The following TSBP1 variants were observed in gnomAD, a reference collection of about 807,000 sequenced individuals.
The protein encoded by TSBP1 is testis-expressed basic protein 1.
Under a neutral mutation model 68.8 loss-of-function variants are expected in TSBP1, and 56 were observed. The observed-to-expected ratio is 0.81, with a 90% CI of 0.66 to 1.02. The LOEUF is 1.02. Among genes scored for constraint, TSBP1 ranks in the 50% least tolerant of loss-of-function variants. The pLI is 0.00. For missense variants in TSBP1, 502 were observed against 641.2 expected (o/e 0.78, Z 2.34); for synonymous variants, 171 against 208.7 (o/e 0.82, Z 1.56).
At chr6:32,324,433 C>T in intron 16 of TSBP1, 1 of 707,560 alleles carries the variant, frequency 1.4e-6, no homozygotes. Flanking sequence ...TCCCTTTTTG[C>T]AGTGACTGGT....
intron 10 of TSBP1, 134 bp downstream of exon 11, chr6:32,339,466 G>A (rs1476974390): frequency 2.7e-6 from 2 of 740,790 alleles, no homozygotes; most frequent in Non-Finnish European, 5.1e-6. Context: ...TCCTCTGGTA[G>A]CAGGCACATT....
At chr6:32,296,303 C>A (rs1764719108) in intron 22 of TSBP1, among the ~76,000 whole-genome samples, 3 of 152,082 alleles carry the variant, frequency 2.0e-5, no homozygotes. Context: ...AATTATAAAT[C>A]AAAAGAGTTG....
Position 32,344,090 on chromosome 6 carries a change from AATTT to A in TSBP1, c.350-4456_350-4453del, listed in dbSNP as rs1434806109. Among the ~76,000 whole-genome samples the A allele has an allele frequency of 8.6e-5, 13 of 151,470 alleles. 1 individual carries two copies. Among genetic ancestry groups the A allele is most frequent in the African/African-American group, 2.7e-4 (11 of 41,232 alleles). Reference sequence around the variant, plus strand: ...TTTTGGAACTGCATTTATTTAATTTAATTTATTTATTTATTTTATTTTATTATTA... The same window carrying A: ...TTTTGGAACTGCATTTATTTAATTTAATTTATTTATTTTATTTTATTATTA... On this transcript the variant is annotated intron_variant, in intron 9 of 22. Transcript: ENST00000612031.
intron 9 of TSBP1, among the ~76,000 whole-genome samples, chr6:32,344,580 T>C (rs1770760969): frequency 6.6e-6 from 1 of 152,202 alleles, no homozygotes; most frequent in South Asian, 2.1e-4. Flanking sequence ...TGCACGCCAA[T>C]TGCTTAAAAG....
chr6:32,319,406 TC>T (rs1767353295), intron 18 of TSBP1, among the ~76,000 whole-genome samples: 1 of 152,224 alleles, frequency 6.6e-6, no homozygotes, highest in Non-Finnish European at 1.5e-5. Context: ...CCCCAGTTAA[TC>T]CTCCACAATA....
Position 32,338,033 on chromosome 6 carries a change from G to A in TSBP1, c.409+946C>T, listed in dbSNP as rs1200191061. Among the ~76,000 whole-genome samples the A allele has an allele frequency of 6.6e-6, 1 of 152,182 alleles. No homozygotes were observed. Among genetic ancestry groups the A allele is most frequent in the Non-Finnish European group, 1.5e-5 (1 of 68,022 alleles). On this transcript the variant is annotated intron_variant, in intron 11 of 22. Transcript: ENST00000612031. The surrounding 1 kb of genome is among the most constrained non-coding windows in gnomAD (Gnocchi z 5.5). The stretch of plus-strand genomic sequence containing the variant: ...GATAGAAATGTGTTAAGAAGTGAAT[G>A]AAACCCTGATGAGTTTCATCTTTCT...
intron 6 of TSBP1, among the ~76,000 whole-genome samples, chr6:32,364,511 CT>C (rs1773443015): frequency 6.7e-6 from 1 of 149,718 alleles, no homozygotes; most frequent in African/African-American, 2.4e-5. Context: ...ATCTTGGAAG[CT>C]CTCTATTTCC....
Position 32,332,073 on chromosome 6 carries a change from T to G in TSBP1, c.473-19A>C. 1 of 1,582,984 alleles carries G rather than the reference T, an allele frequency of 6.3e-7. No homozygotes were observed. The highest frequency in any genetic ancestry group is 8.7e-7 in the Non-Finnish European group (1 of 1,152,666). ...GTTTGCACTAAAAAGAAATTCAAAT[T>G]GGCATATTAGTACAGTTATTTGGAG... On this transcript the variant is annotated intron_variant, in intron 14 of 22. Transcript: ENST00000612031.
chr6:32,312,680 T>G (rs1766525248), intron 19 of TSBP1, among the ~76,000 whole-genome samples: 1 of 152,204 alleles, frequency 6.6e-6, no homozygotes, highest in African/African-American at 2.4e-5. Flanking sequence ...ATAAATAGTT[T>G]CATTCGTCAA....
chr6:32,327,798 GT>G (rs377295118), intron 16 of TSBP1, among the ~76,000 whole-genome samples: 17 of 142,494 alleles, frequency 1.2e-4, no homozygotes, highest in African/African-American at 1.6e-4. Context: ...ATTTTTGTAG[GT>G]TTTTTTTTTT....
chr6:32,327,388 C>G (rs1768340636), intron 16 of TSBP1, among the ~76,000 whole-genome samples: 1 of 152,156 alleles, frequency 6.6e-6, no homozygotes, highest in Non-Finnish European at 1.5e-5. Flanking sequence ...CCTTGATAGG[C>G]TTAAAGAGGG....
rs576738920 is a variant in TSBP1 at position 32,340,766 on chromosome 6, A to C, written c.350-1128T>G. Reference sequence around the variant, plus strand: ...CATATATATTCCATTCCTGACCTAAAGTAATATGGAATAATGAGGAGAAAG... The same window carrying C: ...CATATATATTCCATTCCTGACCTAACGTAATATGGAATAATGAGGAGAAAG... On this transcript the variant is annotated intron_variant, in intron 9 of 22. Coordinates refer to ENST00000612031, the Ensembl canonical transcript of TSBP1. The surrounding 1 kb of genome is among the most constrained non-coding windows in gnomAD (Gnocchi z 4.8). 6.6e-6 allele frequency among the ~76,000 whole-genome samples: 1 copy of C among 152,106 alleles called. No homozygotes were observed. Among genetic ancestry groups the C allele is most frequent in the Non-Finnish European group, 1.5e-5 (1 of 67,990 alleles).
intron 17 of TSBP1, 72 bp from the exon 19 acceptor site, chr6:32,323,209 G>T: frequency 2.1e-6 from 2 of 971,560 alleles, no homozygotes; most frequent in Non-Finnish European, 1.6e-6. Flanking sequence ...AGGTATATTT[G>T]TGTAGGGGAG....
In TSBP1 at chr6:32,365,404, A is replaced by T; in HGVS notation, c.217+763T>A. ...GGACTCAGCCTAGATGGGAGAGTGA[A>T]ATGTGTGAAAGGCATGCCTGTGGGT... On this transcript the variant is annotated intron_variant, in intron 6 of 22. Transcript: ENST00000612031. The surrounding 1 kb of genome is among the most constrained non-coding windows in gnomAD (Gnocchi z 4.3). 1 of 457,164 alleles carries T rather than the reference A, an allele frequency of 2.2e-6. No homozygotes were observed. Among genetic ancestry groups the T allele is most frequent in the South Asian group, 1.5e-5 (1 of 64,550 alleles). 28.3% of individuals were successfully genotyped at this position (457,164 alleles called of 1,614,324 possible).
rs1770179063 is a variant in TSBP1, at chr6:32,340,223, G to T, written c.350-585C>A. ...TGTCATTTTAATCTCTGTTGCTTCT[G>T]TCTTGAGAAATAACCAATCATATTT... On this transcript the variant is annotated intron_variant, in intron 9 of 22. Coordinates refer to ENST00000612031, the Ensembl canonical transcript of TSBP1. The surrounding 1 kb of genome is among the most constrained non-coding windows in gnomAD (Gnocchi z 4.8). 6.6e-6 allele frequency among the ~76,000 whole-genome samples: 1 copy of T among 152,058 alleles called. No individual in the cohort carries two copies. Among genetic ancestry groups the T allele is most frequent in the Non-Finnish European group, 1.5e-5 (1 of 67,998 alleles).
At chr6:32,307,976 T>C (rs552569548) in intron 19 of TSBP1, among the ~76,000 whole-genome samples, 16 of 152,096 alleles carry the variant, frequency 1.1e-4, no homozygotes, top group African/African-American at 3.6e-4. Context: ...GGTTTCACCA[T>C]GTTGGCCAGG....
In TSBP1 at chr6:32,316,016, T is replaced by G. The variant is rs1766909666; in HGVS notation, c.560-224A>C. ...GATGAAATCAAAGGTAGGGTTTCCT[T>G]AAAGGCCCTCTTCATTTACTGGACC... On this transcript the variant is annotated intron_variant, in intron 18 of 22. Transcript: ENST00000612031. This position sits in a 1 kb window ranked among gnomAD's most constrained non-coding sequence, Gnocchi z 4.5. Among the ~76,000 whole-genome samples, 1 of 152,176 alleles carries G rather than the reference T, an allele frequency of 6.6e-6. No homozygotes were observed. Among genetic ancestry groups the G allele is most frequent in the African/African-American group, 2.4e-5 (1 of 41,438 alleles).
chr6:32,299,530 G>A (rs76358306), intron 22 of TSBP1, among the ~76,000 whole-genome samples: 2,455 of 152,318 alleles, frequency 0.016, 68 homozygotes, highest in East Asian at 0.043. Flanking sequence ...TCAGGGAGGA[G>A]ATTCTTTTTC....
At chr6:32,364,442 A>G (rs1335648734) in intron 6 of TSBP1, among the ~76,000 whole-genome samples, 2 of 122,818 alleles carry the variant, frequency 1.6e-5, no homozygotes, top group African/African-American at 5.4e-5. Context: ...TACTCTGACT[A>G]GATAATTTTA....
Sources: allele counts gnomAD v4.1 joint callset (sites outside exome capture counted in the v4.1 genomes callset), GRCh38; gene constraint gnomAD v4.1.1; non-coding constraint Gnocchi (gnomAD v3.1); transcripts MANE v1.5; gene names NCBI Gene and HGNC (gene_info 2026-07-23, HGNC 2026-07-21).